The following PUDP variants were observed in gnomAD, a reference collection of about 807,000 sequenced individuals.
The protein encoded by PUDP is pseudouridine-5'-phosphatase.
In PUDP, 8 loss-of-function variants were observed where a neutral mutation model predicts 9.4. The observed-to-expected ratio is 0.85, with a 90% CI of 0.50 to 1.53. PUDP has a LOEUF of 1.53. Ranked by LOEUF, PUDP falls within the 40% of genes most tolerant of loss-of-function variation. The probability of loss-of-function intolerance (pLI) is 0.00; values close to 1 mark genes in which losing one functional copy is unlikely to be tolerated. For missense variants in PUDP, 188 were observed against 189.7 expected, an observed-to-expected ratio of 0.99 and a Z score of 0.05; for synonymous variants, 99 against 80.7, an observed-to-expected ratio of 1.23 and a Z score of -1.22.
At chrX:7,076,859 C>T (rs1163409187) in intron 3 of PUDP, among the ~76,000 whole-genome samples, 1 of 112,215 alleles carries the variant, frequency 8.9e-6, no homozygotes, top group South Asian at 3.7e-4. Flanking sequence ...TGAATACTCA[C>T]CTTAAAGCCT....
At chrX:7,011,253 T>C (rs1396348719) in intron 1 of PUDP, among the ~76,000 whole-genome samples, 3 of 112,004 alleles carry the variant, frequency 2.7e-5, no homozygotes, top group Non-Finnish European at 3.8e-5. Flanking sequence ...TTCCCTCCAG[T>C]TTTGTTGCTT....
At chrX:7,148,153 T>TGC (rs1932923444), upstream of PUDP, 1 of 991,231 alleles carries the variant, frequency 1.0e-6, no homozygotes, top group Non-Finnish European at 1.4e-6. Flanking sequence ...GAGGAGGAAG[T>TGC]GCGCGCGCAC....
chrX:7,002,784 G>A (rs529238067), intron 1 of PUDP, among the ~76,000 whole-genome samples: 2 of 110,695 alleles, frequency 1.8e-5, no homozygotes, highest in Admixed American at 1.9e-4. Flanking sequence ...GAGGGAAGCC[G>A]GAGTGGAATT....
At chrX:6,943,675 T>C (rs1024217486) in intron 3 of PUDP, among the ~76,000 whole-genome samples, 2 of 111,730 alleles carry the variant, frequency 1.8e-5, no homozygotes, top group Non-Finnish European at 3.8e-5. Context: ...AATATTCCGG[T>C]AGGTGTTATC....
At chrX:6,815,126 A>G (rs1926206748) in intron 3 of PUDP, among the ~76,000 whole-genome samples, 1 of 109,694 alleles carries the variant, frequency 9.1e-6, no homozygotes, top group East Asian at 2.8e-4. Context: ...CTTGGGGGAA[A>G]AATCAGATTG....
At chrX:6,886,208 A>G (rs977977805) in intron 3 of PUDP, among the ~76,000 whole-genome samples, 3 of 112,088 alleles carry the variant, frequency 2.7e-5, no homozygotes, top group Admixed American at 9.5e-5. Context: ...ATAATTTTAA[A>G]CTCCAATTAT....
At chrX:6,856,252 G>A (rs1926904365) in intron 3 of PUDP, among the ~76,000 whole-genome samples, 1 of 111,594 alleles carries the variant, frequency 9.0e-6, no homozygotes, top group Non-Finnish European at 1.9e-5. Context: ...CACCAAGCAG[G>A]TGACCATCCA....
At chrX:6,820,208 G>A (rs1223660809) in intron 3 of PUDP, among the ~76,000 whole-genome samples, 1 of 109,792 alleles carries the variant, frequency 9.1e-6, no homozygotes, top group African/African-American at 3.3e-5. Context: ...AGAATAGCAC[G>A]GGAAAAAGAC....
intron 2 of PUDP, among the ~76,000 whole-genome samples, chrX:6,977,506 T>G (rs1300562542): frequency 8.9e-6 from 1 of 112,278 alleles, no homozygotes; most frequent in African/African-American, 3.2e-5. Context: ...AGACTGTATT[T>G]TTGCACCCAT....
chrX:6,745,832 T>C (rs555665917), intron 3 of PUDP, among the ~76,000 whole-genome samples: 2 of 111,427 alleles, frequency 1.8e-5, no homozygotes, highest in South Asian at 7.7e-4. Flanking sequence ...TTTGTAGAGA[T>C]GGGATCTTGC....
chrX:6,804,741 C>A (rs769490723), intron 3 of PUDP, among the ~76,000 whole-genome samples: 5 of 111,640 alleles, frequency 4.5e-5, no homozygotes, highest in Admixed American at 9.6e-5. Context: ...CAGCCTCCTT[C>A]ACTCATTGAA....
chrX:7,142,354 C>G (rs1344392365), intron 1 of PUDP, among the ~76,000 whole-genome samples: 1 of 111,901 alleles, frequency 8.9e-6, no homozygotes, highest in African/African-American at 3.2e-5. Flanking sequence ...TTGAGGGGTT[C>G]AAGACTTCAG....
intron 3 of PUDP, among the ~76,000 whole-genome samples, chrX:6,859,521 G>GGC (rs1926965013): frequency 8.9e-6 from 1 of 111,750 alleles, no homozygotes; most frequent in Non-Finnish European, 1.9e-5. Context: ...GGAAGGGCTT[G>GGC]TACTGTGCTA....
At chrX:6,833,146 C>T (rs889576960) in intron 3 of PUDP, among the ~76,000 whole-genome samples, 2 of 112,325 alleles carry the variant, frequency 1.8e-5, no homozygotes, top group African/African-American at 3.2e-5. Flanking sequence ...ACTACATTTT[C>T]ACTGTACCAA....
At chrX:6,846,790 T>C (rs2146720826) in intron 3 of PUDP, among the ~76,000 whole-genome samples, 1 of 111,720 alleles carries the variant, frequency 9.0e-6, no homozygotes, top group South Asian at 3.8e-4. Flanking sequence ...ACAATAGCCA[T>C]GAGGGAGGTG....
chrX:7,020,005 G>T (rs1929608331), intron 1 of PUDP, among the ~76,000 whole-genome samples: 1 of 110,035 alleles, frequency 9.1e-6, no homozygotes, highest in South Asian at 4.0e-4. Context: ...GTATTGGAAG[G>T]AGGATGCAGG....
intron 3 of PUDP, among the ~76,000 whole-genome samples, chrX:6,975,112 T>C (rs957709032): frequency 2.7e-5 from 3 of 110,334 alleles, no homozygotes; most frequent in South Asian, 3.9e-4. Flanking sequence ...GCAATTCCTT[T>C]AACCTTTTTT....
Position 6,876,753 on chromosome X carries a change from TTG to T in PUDP, c.*247+100378_*247+100379del, listed in dbSNP as rs750323688. Among the ~76,000 whole-genome samples, 7 of 109,053 alleles carry T rather than the reference TTG, an allele frequency of 6.4e-5. 1 individual carries two copies. The East Asian group carries it at 9.1e-4, about 14-fold the overall frequency. 94.7% of individuals were successfully genotyped at this position (109,053 alleles called of 115,157 possible). A position where few individuals can be genotyped will look rare whatever the true frequency, so the allele number is the denominator to read the frequency against. On this transcript the variant is annotated intron_variant and NMD_transcript_variant, in intron 3 of 3. Transcript: ENST00000655425. ...GATGCACATGTGCATGTATGCATGTTTGTGTCTATACATATATGTGTACCTAT... is the reference window on the plus strand; with the variant it reads ...GATGCACATGTGCATGTATGCATGTTTGTCTATACATATATGTGTACCTAT...
intron 3 of PUDP, among the ~76,000 whole-genome samples, chrX:6,764,397 C>A (rs1925260583): frequency 8.9e-6 from 1 of 111,809 alleles, no homozygotes; most frequent in African/African-American, 3.2e-5. Flanking sequence ...GCTTATTGGC[C>A]CTGTGGGTTT....
Sources: gnomAD v4.1 joint callset for allele counts (sites outside exome capture counted in the v4.1 genomes callset) on GRCh38, gnomAD v4.1.1 for gene constraint, MANE v1.5 for transcripts, NCBI Gene and HGNC (gene_info 2026-07-23, HGNC 2026-07-21) for gene names.